The following DMXL2 variants were observed in gnomAD, a reference collection of about 807,000 sequenced individuals.
DMXL2 encodes dmX-like protein 2.
A neutral mutation model predicts 331.1 loss-of-function variants in DMXL2; 103 were observed. That is an observed-to-expected ratio of 0.31 (90% confidence interval 0.27 to 0.37). DMXL2 has a LOEUF of 0.37. DMXL2 is among the 10% of genes least tolerant of loss of function. The pLI is 1.00. For synonymous variants in DMXL2, 1,281 were observed against 1,252.1 expected, an observed-to-expected ratio of 1.02 and a Z score of -0.49; for missense variants, 3,171 against 3,642.9, an observed-to-expected ratio of 0.87 and a Z score of 3.33.
intron 1 of DMXL2, among the ~76,000 whole-genome samples, chr15:51,593,477 C>A (rs1382502483): frequency 6.6e-6 from 1 of 152,296 alleles, no homozygotes; most frequent in African/African-American, 2.4e-5. Context: ...GAGACTTTAA[C>A]ACCCCACTGT....
intron 6 of DMXL2, among the ~76,000 whole-genome samples, chr15:51,559,238 G>C (rs1193595065): frequency 6.6e-6 from 1 of 152,154 alleles, no homozygotes; most frequent in African/African-American, 2.4e-5. Context: ...TGCAAAACAT[G>C]TAACTGACAA....
intron 13 of DMXL2, among the ~76,000 whole-genome samples, chr15:51,532,524 G>T (rs2048061731): frequency 6.6e-6 from 1 of 152,124 alleles, no homozygotes; most frequent in Non-Finnish European, 1.5e-5. Flanking sequence ...ATAACTAGAA[G>T]AGTGTAATTA....
intron 23 of DMXL2, among the ~76,000 whole-genome samples, chr15:51,483,543 A>C (rs900813903): frequency 2.0e-5 from 3 of 152,060 alleles, no homozygotes; most frequent in Non-Finnish European, 4.4e-5. Flanking sequence ...CACTACATAC[A>C]TACCCTCCCC....
intron 13 of DMXL2, among the ~76,000 whole-genome samples, chr15:51,526,963 G>A (rs1469999859): frequency 6.6e-6 from 1 of 152,118 alleles, no homozygotes; most frequent in Non-Finnish European, 1.5e-5. Flanking sequence ...AGGTAGGGGT[G>A]GAAAGTTTAT....
intron 1 of DMXL2, among the ~76,000 whole-genome samples, chr15:51,587,297 T>A (rs2051917481): frequency 6.6e-6 from 1 of 152,168 alleles, no homozygotes; most frequent in Non-Finnish European, 1.5e-5. Context: ...TAGGTATATC[T>A]CCTAATGCTA....
At chr15:51,524,757 G>A (rs908104247) in intron 13 of DMXL2, among the ~76,000 whole-genome samples, 1 of 152,104 alleles carries the variant, frequency 6.6e-6, no homozygotes, top group African/African-American at 2.4e-5. Context: ...TTCCCCAAAA[G>A]CCTTGCCACC....
intron 1 of DMXL2, among the ~76,000 whole-genome samples, chr15:51,583,121 C>CTTTTTTTTT (rs1171970352): frequency 5.7e-5 from 2 of 34,880 alleles, no homozygotes; most frequent in Non-Finnish European, 1.3e-4. Context: ...TTTTTTTTTT[C>CTTTTTTTTT]TTTTTTTTTT....
rs1357525186 is a variant in DMXL2, at chr15:51,495,013, G to A, written c.4783+11C>T. The stretch of plus-strand genomic sequence containing the variant: ...AAAGTTGTGCAAAGCTTCAAACAGT[G>A]AGTGAATTACCTTGATGAAGTAGCT... On this transcript the variant is annotated intron_variant, in intron 19 of 43. Coordinates refer to ENST00000560891, the MANE Select transcript of DMXL2 (RefSeq NM_001378457.1). The A allele has an allele frequency of 6.3e-7, 1 of 1,594,878 alleles. No homozygotes were observed. The highest frequency in any genetic ancestry group is 8.6e-7 in the Non-Finnish European group (1 of 1,163,720).
intron 6 of DMXL2, among the ~76,000 whole-genome samples, chr15:51,559,928 CA>C (rs2141017464): frequency 6.6e-6 from 1 of 152,260 alleles, no homozygotes; most frequent in African/African-American, 2.4e-5. Context: ...TATAACCCAG[CA>C]ATTCTATTCC....
chr15:51,499,321 A>G lies in DMXL2; in HGVS notation c.3903T>C (p.Phe1301=). ...TTTTTCTTGCCAGCATATTAGATTT[A>G]AAGGTCGAATGATCTTGCATTGCTG... ...EEAAMQDHST[F]KSNMLARKSV... is the part of the protein sequence containing the mutation. The change falls in exon 18 of 44, where the codon TTT becomes TTC. Residue 1301 remains phenylalanine (F), a synonymous_variant. Transcript: ENST00000560891. The G allele has an allele frequency of 6.2e-7, 1 of 1,614,012 alleles. No homozygotes were observed. The highest frequency in any genetic ancestry group is 8.5e-7 in the Non-Finnish European group (1 of 1,180,032).
intron 18 of DMXL2, among the ~76,000 whole-genome samples, chr15:51,497,336 T>C (rs2043255581): frequency 6.6e-6 from 1 of 152,158 alleles, no homozygotes; most frequent in South Asian, 2.1e-4. Flanking sequence ...AATCATGAAA[T>C]AGTTAAAAGG....
At chr15:51,495,959 G>C (rs1025038685) in intron 18 of DMXL2, among the ~76,000 whole-genome samples, 1 of 151,766 alleles carries the variant, frequency 6.6e-6, no homozygotes, top group Non-Finnish European at 1.5e-5. Flanking sequence ...TATTAGGTTG[G>C]TGCAAAAGTA....
intron 19 of DMXL2, among the ~76,000 whole-genome samples, chr15:51,492,282 G>C (rs1235043661): frequency 6.6e-6 from 1 of 152,176 alleles, no homozygotes; most frequent in South Asian, 2.1e-4. Flanking sequence ...CCTGGATGTC[G>C]ATTCCAGTGC....
chr15:51,562,709 G>A (rs2050045278), intron 6 of DMXL2, among the ~76,000 whole-genome samples: 2 of 152,148 alleles, frequency 1.3e-5, no homozygotes, highest in Non-Finnish European at 2.9e-5. Flanking sequence ...TTACTATTAA[G>A]AATAATCTGT....
chr15:51,608,523 A>G (rs1047036411), intron 1 of DMXL2, among the ~76,000 whole-genome samples: 20 of 152,346 alleles, frequency 1.3e-4, no homozygotes, highest in Middle Eastern at 3.4e-3. Context: ...ACATATTCTC[A>G]TTTATAAGTG....
intron 3 of DMXL2, among the ~76,000 whole-genome samples, chr15:51,566,578 T>A (rs2050305560): frequency 6.6e-6 from 1 of 152,160 alleles, no homozygotes; most frequent in African/African-American, 2.4e-5. Context: ...TAGGTGACTC[T>A]TAAGTAGTCC....
chr15:51,576,203 A>AAAAAAAAAAAAAAAAAATAT, intron 1 of DMXL2, 22 bp from the exon 2 acceptor site: 1 of 1,373,720 alleles, frequency 7.3e-7, no homozygotes, highest in Non-Finnish European at 9.7e-7. Context: ...AAAAAAAAAA[A>AAAAAAAAAAAAAAAAAATAT]GTTTTACAAT....
intron 13 of DMXL2, among the ~76,000 whole-genome samples, chr15:51,525,481 C>T (rs927395513): frequency 6.6e-6 from 1 of 152,132 alleles, no homozygotes; most frequent in Non-Finnish European, 1.5e-5. Context: ...AGTAGAGCAC[C>T]AAGCAGGCTC....
chr15:51,552,168 G>T (rs1007978845), intron 6 of DMXL2, among the ~76,000 whole-genome samples: 1 of 152,190 alleles, frequency 6.6e-6, no homozygotes, highest in African/African-American at 2.4e-5. Context: ...GGAGAGGCAC[G>T]GAAGGGCCAG....
Sources: allele counts gnomAD v4.1 joint callset (sites outside exome capture counted in the v4.1 genomes callset), GRCh38; gene constraint gnomAD v4.1.1; transcripts MANE v1.5; gene names NCBI Gene and HGNC (gene_info 2026-07-23, HGNC 2026-07-21).